The following TMEFF2 variants were observed in gnomAD, a reference collection of about 807,000 sequenced individuals.
TMEFF2 encodes transmembrane protein with EGF like and two follistatin like domains 2.
A neutral mutation model predicts 53.8 loss-of-function variants in TMEFF2; 28 were observed. The observed-to-expected ratio is 0.52, with a 90% CI of 0.39 to 0.71. TMEFF2 has a LOEUF of 0.71. Among genes scored for constraint, TMEFF2 ranks in the 30% least tolerant of loss-of-function variants. The probability of loss-of-function intolerance (pLI) is 0.00; values close to 1 mark genes in which losing one functional copy is unlikely to be tolerated. For missense variants in TMEFF2, 353 were observed against 455.2 expected (o/e 0.78, Z 2.04); for synonymous variants, 162 against 166.3 (o/e 0.97, Z 0.20).
At chr2:192,146,089 T>C (rs1234156025) in intron 4 of TMEFF2, among the ~76,000 whole-genome samples, 12 of 151,860 alleles carry the variant, frequency 7.9e-5, no homozygotes, top group Admixed American at 5.3e-4. Flanking sequence ...AAAAACACCA[T>C]AAAAATATTC....
chr2:192,122,963 A>G (rs1261280326), intron 4 of TMEFF2, among the ~76,000 whole-genome samples: 1 of 152,146 alleles, frequency 6.6e-6, no homozygotes, highest in African/African-American at 2.4e-5. Flanking sequence ...AAGGCACACA[A>G]CTTTGGCTCT....
Position 191,956,352 on chromosome 2 carries a change from C to A in TMEFF2, c.772G>T (p.Ala258Ser), listed in dbSNP as rs1692094821. The change falls in exon 8 of 10, where the codon GCC becomes TCC. Residue 258 changes from alanine to serine, a missense_variant. Coordinates refer to ENST00000272771, the MANE Select transcript of TMEFF2 (RefSeq NM_016192.4). ...GGACAAGGTATGTGGTGTTCTCTGG[C>A]ACTTTCTTCTAATTTGTTAGCATTC... ...AENANKLEES[A>S]REHHIPCPEH... is the part of the protein sequence containing the mutation. 1 of 1,613,552 alleles carries A rather than the reference C, an allele frequency of 6.2e-7. No individual in the cohort carries two copies. The highest frequency in any genetic ancestry group is 8.5e-7 in the Non-Finnish European group (1 of 1,179,872).
intron 5 of TMEFF2, among the ~76,000 whole-genome samples, chr2:192,015,916 A>T (rs1487754131): frequency 6.6e-6 from 1 of 152,198 alleles, no homozygotes; most frequent in Non-Finnish European, 1.5e-5. Flanking sequence ...AACTAACTAA[A>T]AGTATAGGCT....
At chr2:192,110,811 C>T (rs1425134242) in intron 4 of TMEFF2, among the ~76,000 whole-genome samples, 1 of 152,006 alleles carries the variant, frequency 6.6e-6, no homozygotes, top group Non-Finnish European at 1.5e-5. Context: ...TCCATAATTC[C>T]CATGTGTTGT....
chr2:192,090,547 C>T (rs910028609), intron 4 of TMEFF2, among the ~76,000 whole-genome samples: 2 of 152,082 alleles, frequency 1.3e-5, no homozygotes, highest in Non-Finnish European at 1.5e-5. Flanking sequence ...CTTGCCATCC[C>T]TAGTCTCCCT....
intron 5 of TMEFF2, among the ~76,000 whole-genome samples, chr2:192,045,600 TG>T (rs1283340698): frequency 2.0e-5 from 3 of 152,224 alleles, no homozygotes; most frequent in Non-Finnish European, 4.4e-5. Context: ...AATGGGCTCA[TG>T]AACAAAGTGG....
chr2:192,150,405 A>G (rs1690356656), intron 4 of TMEFF2, among the ~76,000 whole-genome samples: 1 of 151,906 alleles, frequency 6.6e-6, no homozygotes, highest in South Asian at 2.1e-4. Context: ...TTGGAGAAAC[A>G]TTCACCGCTC....
rs530359959 is a variant in TMEFF2 at position 192,096,745 on chromosome 2, C to G, written c.440-38970G>C. Among the ~76,000 whole-genome samples, 93 of 128,868 alleles carry G rather than the reference C, an allele frequency of 7.2e-4. 1 individual carries two copies. Among genetic ancestry groups the G allele is most frequent in the African/African-American group, 2.6e-3 (88 of 33,784 alleles). The allele number at this position is 128,868 out of a possible 152,430, so 84.5% of individuals were successfully genotyped here. A position where few individuals can be genotyped will look rare whatever the true frequency, so the allele number is the denominator to read the frequency against. ...AGGCTGGAGTGCAGTGGTACAATCT[C>G]AGCTCACTGCAACCTCCGCCTCCTG... On this transcript the variant is annotated intron_variant, in intron 4 of 9. Transcript: ENST00000272771.
At chr2:192,187,793 T>C in intron 2 of TMEFF2, among the ~76,000 whole-genome samples, 1 of 152,230 alleles carries the variant, frequency 6.6e-6, no homozygotes, top group East Asian at 1.9e-4. Flanking sequence ...ACCACACTAG[T>C]GGATTCAATT....
intron 4 of TMEFF2, among the ~76,000 whole-genome samples, chr2:192,163,465 T>C (rs910706180): frequency 6.6e-6 from 1 of 152,234 alleles, no homozygotes; most frequent in African/African-American, 2.4e-5. Flanking sequence ...AATATAAATA[T>C]GTGAAGCCAT....
At chr2:192,058,524 A>G (rs1687967375) in intron 4 of TMEFF2, among the ~76,000 whole-genome samples, 1 of 152,188 alleles carries the variant, frequency 6.6e-6, no homozygotes, top group South Asian at 2.1e-4. Context: ...AATAGGCAAT[A>G]TATCACCTAA....
intron 5 of TMEFF2, among the ~76,000 whole-genome samples, chr2:192,011,569 T>G (rs1291686282): frequency 6.6e-6 from 1 of 152,258 alleles, no homozygotes; most frequent in African/African-American, 2.4e-5. Context: ...GACTTTTCTT[T>G]CAATAATAGT....
chr2:191,983,231 G>A (rs1452590070), intron 7 of TMEFF2, among the ~76,000 whole-genome samples: 1 of 152,120 alleles, frequency 6.6e-6, no homozygotes, highest in Non-Finnish European at 1.5e-5. Flanking sequence ...TAAAAATAGT[G>A]GAAGGATGTT....
chr2:192,172,980 C>G (rs1225996813), intron 4 of TMEFF2, among the ~76,000 whole-genome samples: 1 of 151,832 alleles, frequency 6.6e-6, no homozygotes, highest in Non-Finnish European at 1.5e-5. Context: ...CATCCAAAAG[C>G]TGTTGCTGTG....
chr2:192,055,388 TA>T (rs1687877257), intron 5 of TMEFF2, among the ~76,000 whole-genome samples: 1 of 152,200 alleles, frequency 6.6e-6, no homozygotes, highest in African/African-American at 2.4e-5. Flanking sequence ...CTGGTATGTT[TA>T]AAAAAATTCT....
chr2:192,137,111 A>G (rs940050940), intron 4 of TMEFF2, among the ~76,000 whole-genome samples: 3 of 152,218 alleles, frequency 2.0e-5, no homozygotes, highest in Non-Finnish European at 2.9e-5. Flanking sequence ...CCCTAATCGC[A>G]TATTGTAAGA....
chr2:192,041,670 T>C (rs1332289316), intron 5 of TMEFF2, among the ~76,000 whole-genome samples: 5 of 152,164 alleles, frequency 3.3e-5, no homozygotes, highest in East Asian at 1.9e-4. Context: ...TAAATGTTCA[T>C]AACAGCATTA....
chr2:192,142,837 T>C (rs1690169290), intron 4 of TMEFF2, among the ~76,000 whole-genome samples: 2 of 152,154 alleles, frequency 1.3e-5, no homozygotes, highest in African/African-American at 4.8e-5. Context: ...TCCAACCAGA[T>C]TCCAACCAAC....
intron 7 of TMEFF2, among the ~76,000 whole-genome samples, chr2:191,960,578 C>T (rs1171908539): frequency 6.6e-6 from 1 of 152,158 alleles, no homozygotes; most frequent in Non-Finnish European, 1.5e-5. Context: ...TCTGCGAGGC[C>T]TTTGGGGGCT....
Sources: gnomAD v4.1 joint callset for allele counts (sites outside exome capture counted in the v4.1 genomes callset) on GRCh38, gnomAD v4.1.1 for gene constraint, MANE v1.5 for transcripts, NCBI Gene and HGNC (gene_info 2026-07-23, HGNC 2026-07-21) for gene names.